Variants in GLRX3 observed in about 807,000 individuals in gnomAD.
GLRX3 encodes glutaredoxin-3.
In GLRX3, 22 loss-of-function variants were observed where a neutral mutation model predicts 49.5. The observed-to-expected ratio is 0.44, with a 90% CI of 0.32 to 0.63. GLRX3 has a LOEUF of 0.63. Among genes scored for constraint, GLRX3 ranks in the 30% least tolerant of loss-of-function variants. The pLI, the probability that GLRX3 is intolerant of heterozygous loss-of-function variation, is 0.05. For missense variants in GLRX3, 385 were observed against 396.3 expected (o/e 0.97, Z 0.24); for synonymous variants, 133 against 140.0 (o/e 0.95, Z 0.35).
intron 1 of GLRX3, among the ~76,000 whole-genome samples, chr10:130,144,476 A>G (rs1007493356): frequency 6.9e-6 from 1 of 143,962 alleles, no homozygotes; most frequent in African/African-American, 2.6e-5. Flanking sequence ...ACCCCCTGAC[A>G]GGCCCTGGTA....
intron 2 of GLRX3, among the ~76,000 whole-genome samples, chr10:130,150,797 C>G (rs35677447): frequency 0.22 from 32,797 of 151,982 alleles, 3,868 homozygotes; most frequent in South Asian, 0.3. Context: ...TGCATGCTAA[C>G]TAGTGGAATT....
intron 7 of GLRX3, among the ~76,000 whole-genome samples, chr10:130,171,135 A>C (rs1434807391): frequency 6.6e-6 from 1 of 151,798 alleles, no homozygotes; most frequent in African/African-American, 2.4e-5. Flanking sequence ...TAAATAAATA[A>C]ATAAATAAAT....
chr10:130,163,491 CAATA>C (rs1183770198), intron 4 of GLRX3, among the ~76,000 whole-genome samples: 2 of 152,152 alleles, frequency 1.3e-5, no homozygotes, highest in East Asian at 1.9e-4. Flanking sequence ...TAATAAAAGA[CAATA>C]AATATTTTGA....
rs143905970 is a variant in GLRX3, at chr10:130,158,960, C to G, written c.202-1035C>G. On this transcript the variant is annotated intron_variant, in intron 2 of 10. Coordinates refer to ENST00000331244, the MANE Select transcript of GLRX3 (RefSeq NM_006541.5). ...AGATAAAAGCCAAATACATAGTACT[C>G]TGCTTCCCACTTTCTCTGCAAGCTT... Among the ~76,000 whole-genome samples the G allele has an allele frequency of 1.8e-3, 269 of 152,266 alleles. 4 individuals carry two copies. The East Asian group carries it at 0.039, about 22-fold the overall frequency.
chr10:130,154,023 C>T (rs1251585033), intron 2 of GLRX3, among the ~76,000 whole-genome samples: 2 of 152,210 alleles, frequency 1.3e-5, no homozygotes, highest in Non-Finnish European at 2.9e-5. Context: ...CAATGGCCTA[C>T]TCAAGCCTCA....
intron 10 of GLRX3, among the ~76,000 whole-genome samples, chr10:130,178,137 G>A (rs1321772294): frequency 6.6e-6 from 1 of 152,170 alleles, no homozygotes; most frequent in African/African-American, 2.4e-5. Flanking sequence ...AGGCAGAGAT[G>A]TGTTGCCAGG....
At chr10:130,156,430 A>G (rs1862471907) in intron 2 of GLRX3, among the ~76,000 whole-genome samples, 1 of 152,190 alleles carries the variant, frequency 6.6e-6, no homozygotes, top group South Asian at 2.1e-4. Context: ...GGAGGGACAT[A>G]TACATTCAAA....
At chr10:130,150,437 G>A (rs1443442969) in intron 2 of GLRX3, among the ~76,000 whole-genome samples, 1 of 152,022 alleles carries the variant, frequency 6.6e-6, no homozygotes, top group Non-Finnish European at 1.5e-5. Flanking sequence ...CAGCTAGCTG[G>A]TTGGTGAGAT....
At chr10:130,154,135 C>T (rs558003322) in intron 2 of GLRX3, among the ~76,000 whole-genome samples, 4 of 152,324 alleles carry the variant, frequency 2.6e-5, no homozygotes, top group East Asian at 1.9e-4. Context: ...TGGGACTCAC[C>T]GAGCCAGGCA....
intron 2 of GLRX3, among the ~76,000 whole-genome samples, chr10:130,150,595 G>T (rs901259526): frequency 2.0e-5 from 3 of 152,166 alleles, no homozygotes; most frequent in Non-Finnish European, 4.4e-5. Context: ...TGAAAAACAA[G>T]AATCTTTATT....
rs190583865 is a variant in GLRX3, at chr10:130,150,763, G to A, written c.201+5444G>A. Among the ~76,000 whole-genome samples the A allele has an allele frequency of 5.3e-5, 8 of 152,208 alleles. No homozygotes were observed. The East Asian group carries it at 1.4e-3, about 26-fold the overall frequency. ...ATAGTGTTGGGCAATCTTCCGAAGGGTACCAACTAGCTGTATAACCAGGTG... is the reference window on the plus strand; with the variant it reads ...ATAGTGTTGGGCAATCTTCCGAAGGATACCAACTAGCTGTATAACCAGGTG... On this transcript the variant is annotated intron_variant, in intron 2 of 10. Coordinates refer to ENST00000331244, the MANE Select transcript of GLRX3 (RefSeq NM_006541.5).
chr10:130,174,608 C>A (rs1862878567), intron 8 of GLRX3, among the ~76,000 whole-genome samples: 1 of 152,224 alleles, frequency 6.6e-6, no homozygotes, highest in African/African-American at 2.4e-5. Context: ...TAGTGTCTGA[C>A]TCTTTAAGAA....
Position 130,136,487 on chromosome 10 carries a change from G to C in GLRX3, c.67G>C (p.Glu23Gln). Residue 23 changes from glutamate (E) to glutamine (Q), a missense_variant, in exon 1 of 11, where the codon GAG (glutamate) becomes CAG (glutamine). Physicochemically the swap from Glu to Gln is conservative, Grantham distance 29. Coordinates refer to ENST00000331244, the MANE Select transcript of GLRX3 (RefSeq NM_006541.5). ...GGAGGTCGGCTCAGCCGGGCAGTTT[G>C]AGGAGCTGCTGCGCCTCAAAGCCAA... ...VEEVGSAGQF[E>Q]ELLRLKAKSL... The C allele has an allele frequency of 3.2e-6, 4 of 1,266,674 alleles. No individual in the cohort carries two copies. Among genetic ancestry groups the C allele is most frequent in the Non-Finnish European group, 4.0e-6 (4 of 999,786 alleles). The allele number at this position is 1,266,674 out of a possible 1,614,324, so 78.5% of individuals were successfully genotyped here.
intron 4 of GLRX3, among the ~76,000 whole-genome samples, chr10:130,163,010 A>T (rs1862606082): frequency 6.6e-6 from 1 of 152,200 alleles, no homozygotes; most frequent in African/African-American, 2.4e-5. Context: ...ACTTTATTAA[A>T]CTGAATTTAA....
Position 130,160,914 on chromosome 10 carries a change from A to G in GLRX3, c.395A>G (p.Asp132Gly). 1.2e-6 allele frequency: 2 copies of G among 1,613,696 alleles called. No individual in the cohort carries two copies. The highest frequency in any genetic ancestry group is 1.7e-6 in the Non-Finnish European group (2 of 1,179,580). Residue 132 changes from aspartate (D) to glycine (G), a missense_variant, in exon 4 of 11, where the codon GAT (aspartate) becomes GGT (glycine). Asp to Gly is a moderately conservative substitution (Grantham distance 94). This residue lies in a region of GLRX3 where 374 missense variants were observed against 358.6 expected (regional missense o/e 1.04). Transcript: ENST00000331244. ...AGCGCTAATGAACATCTTAAAGAAG[A>G]TCTCAACCTTCGCTTGAAGAAATTG... The part of the protein sequence containing the change: ...LPSANEHLKE[D>G]LNLRLKKLTH...
rs1405411735 is a variant in GLRX3 at position 130,160,966 on chromosome 10, T to A, written c.447T>A (p.Phe149Leu). ...KLTHAAPCMLFMKGTPQEPRC... is the reference protein window; with the variant it reads ...KLTHAAPCMLLMKGTPQEPRC... ...CTCATGCTGCCCCCTGCATGCTGTTTATGAAAGGAACTCCTCAAGAACCAC... is the reference window on the plus strand; with the variant it reads ...CTCATGCTGCCCCCTGCATGCTGTTAATGAAAGGAACTCCTCAAGAACCAC... Residue 149 changes from phenylalanine to leucine, a missense_variant, in exon 4 of 11, where the codon TTT becomes TTA. Phe to Leu is a conservative substitution (Grantham distance 22). Transcript: ENST00000331244. The A allele has an allele frequency of 6.2e-7, 1 of 1,613,630 alleles. No individual in the cohort carries two copies. Among genetic ancestry groups the A allele is most frequent in the South Asian group, 1.1e-5 (1 of 91,058 alleles).
At chr10:130,155,852 C>T (rs1367184951) in intron 2 of GLRX3, among the ~76,000 whole-genome samples, 3 of 152,126 alleles carry the variant, frequency 2.0e-5, no homozygotes, top group Non-Finnish European at 2.9e-5. Context: ...CCAGAGATGA[C>T]AGAAACGGAC....
At chr10:130,155,057 A>C (rs1032318017) in intron 2 of GLRX3, among the ~76,000 whole-genome samples, 2 of 152,032 alleles carry the variant, frequency 1.3e-5, no homozygotes, top group African/African-American at 4.8e-5. Flanking sequence ...CTGCAGCCCC[A>C]AACTTCCGAG....
intron 4 of GLRX3, among the ~76,000 whole-genome samples, chr10:130,161,805 TA>T (rs1242913705): frequency 2.6e-5 from 4 of 152,148 alleles, no homozygotes; most frequent in African/African-American, 4.8e-5. Flanking sequence ...TTTATTAAGA[TA>T]GGGGCAGTAA....
Sources: gnomAD v4.1 joint callset for allele counts (sites outside exome capture counted in the v4.1 genomes callset) on GRCh38, gnomAD v4.1.1 for gene constraint, gnomAD v4.1.1 regional missense constraint, MANE v1.5 for transcripts, NCBI Gene and HGNC (gene_info 2026-07-23, HGNC 2026-07-21) for gene names.